SLCO3A1: variants seen among roughly 807,000 people sequenced by gnomAD.
SLCO3A1 encodes PGE1 transporter.
Under a neutral mutation model 63.1 loss-of-function variants are expected in SLCO3A1, and 27 were observed. That is an observed-to-expected ratio of 0.43 (90% CI 0.32 to 0.59). The LOEUF (loss-of-function observed/expected upper bound fraction) is 0.59, where lower values mean the gene tolerates loss of function less well. Among genes scored for constraint, SLCO3A1 ranks in the 20% least tolerant of loss-of-function variants. The pLI, the probability that SLCO3A1 is intolerant of heterozygous loss-of-function variation, is 0.09. For synonymous variants in SLCO3A1, 473 were observed against 409.9 expected (o/e 1.15, Z -1.86); for missense variants, 773 against 945.8 (o/e 0.82, Z 2.40).
rs73532444 is a variant in SLCO3A1, at chr15:91,948,495, T to C, written c.646+32037T>C. Among the ~76,000 whole-genome samples the C allele has an allele frequency of 0.18, 27,237 of 152,138 alleles. 2,755 individuals carry two copies. Among genetic ancestry groups the C allele is most frequent in the Admixed American group, 0.28 (4,320 of 15,292 alleles). On this transcript the variant is annotated intron_variant, in intron 2 of 9. Coordinates refer to ENST00000318445, the MANE Select transcript of SLCO3A1 (RefSeq NM_013272.4). The surrounding 1 kb of genome is among the most constrained non-coding windows in gnomAD (Gnocchi z 4.8). ...AAGCAGCAGTCATTGGTTAGGAATT[T>C]GGGGATTTTCTAATCTAAGTGTTCT...
In SLCO3A1 at chr15:92,085,399, A is replaced by G. The variant is rs75697895; in HGVS notation, c.647-9482A>G. Among the ~76,000 whole-genome samples the G allele has an allele frequency of 4.2e-3, 645 of 152,296 alleles. 3 individuals are homozygous for G. The highest frequency in any genetic ancestry group is 6.7e-3 in the Non-Finnish European group (456 of 68,026). The stretch of plus-strand genomic sequence containing the variant: ...ACTGGGGACCCAGTTTTGCGTAGGC[A>G]TATTGTGGTTAAGCTGCTGCCTGGA... On this transcript the variant is annotated intron_variant, in intron 2 of 9. Coordinates refer to ENST00000318445, the MANE Select transcript of SLCO3A1 (RefSeq NM_013272.4).
chr15:92,147,234 C>T (rs189387138), intron 8 of SLCO3A1, 75 bp downstream of exon 8: 4 of 1,419,268 alleles, frequency 2.8e-6, no homozygotes, highest in East Asian at 2.3e-5. Context: ...GGGACCAGAG[C>T]TTCAGACAAC....
At chr15:92,016,270 A>AT (rs1555424471) in intron 2 of SLCO3A1, among the ~76,000 whole-genome samples, 1 of 129,070 alleles carries the variant, frequency 7.7e-6, no homozygotes, top group Non-Finnish European at 1.7e-5. Context: ...AGATAGATAG[A>AT]TAGATAGATA....
intron 2 of SLCO3A1, among the ~76,000 whole-genome samples, chr15:91,961,144 CTTAG>C (rs1052153302): frequency 6.6e-6 from 1 of 152,204 alleles, no homozygotes; most frequent in Non-Finnish European, 1.5e-5. Context: ...TTTTTGAATA[CTTAG>C]TTTATCTCAT....
At chr15:92,126,486 G>A (rs563327829) in intron 6 of SLCO3A1, among the ~76,000 whole-genome samples, 7 of 152,250 alleles carry the variant, frequency 4.6e-5, no homozygotes, top group Admixed American at 1.3e-4. Context: ...AAGAGAAGCC[G>A]TTTCCTCCCT....
chr15:92,151,068 T>G, intron 9 of SLCO3A1, 54 bp downstream of exon 9: 1 of 1,194,290 alleles, frequency 8.4e-7, no homozygotes, highest in East Asian at 2.4e-5. Flanking sequence ...TATTACTAGG[T>G]GAGTAACTGT....
chr15:92,040,455 C>G (rs1487664627), intron 2 of SLCO3A1, among the ~76,000 whole-genome samples: 1 of 152,054 alleles, frequency 6.6e-6, no homozygotes, highest in Non-Finnish European at 1.5e-5. Flanking sequence ...TCTGCTGTGC[C>G]CAGAGATATC....
chr15:91,919,130 G>T (rs1478905280), intron 2 of SLCO3A1, among the ~76,000 whole-genome samples: 1 of 152,206 alleles, frequency 6.6e-6, no homozygotes, highest in Non-Finnish European at 1.5e-5. Context: ...CCGCATTGTG[G>T]GTCACTAGAT....
At chr15:91,918,884 C>T (rs773997819) in intron 2 of SLCO3A1, among the ~76,000 whole-genome samples, 3 of 152,156 alleles carry the variant, frequency 2.0e-5, no homozygotes, top group Non-Finnish European at 4.4e-5. Flanking sequence ...ACATGTGTAC[C>T]CCTGGTTCCA....
intron 7 of SLCO3A1, among the ~76,000 whole-genome samples, chr15:92,132,215 A>G (rs994474846): frequency 6.8e-6 from 1 of 146,034 alleles, no homozygotes; most frequent in African/African-American, 2.5e-5. Context: ...AAGACGTGAA[A>G]ATTCCCCATA....
In SLCO3A1 at chr15:91,931,181, C is replaced by T. The variant is rs74387672; in HGVS notation, c.646+14723C>T. ...GAAAAGAAACAACATTCTGCATGTCCTCAAAGCAAGAGCTCACGTAAACTC... is the reference window on the plus strand; with the variant it reads ...GAAAAGAAACAACATTCTGCATGTCTTCAAAGCAAGAGCTCACGTAAACTC... On this transcript the variant is annotated intron_variant, in intron 2 of 9. Transcript: ENST00000318445. Among the ~76,000 whole-genome samples the T allele has an allele frequency of 8.9e-3, 1,359 of 152,312 alleles. 6 individuals are homozygous for T. Among genetic ancestry groups the T allele is most frequent in the Non-Finnish European group, 0.013 (915 of 68,034 alleles).
chr15:92,132,655 T>A (rs1266259374), intron 7 of SLCO3A1, among the ~76,000 whole-genome samples: 2 of 143,384 alleles, frequency 1.4e-5, no homozygotes, highest in African/African-American at 5.1e-5. Flanking sequence ...ACCAATAGAA[T>A]GTTGAAAGTC....
chr15:91,888,179 G>T (rs1359532177), intron 1 of SLCO3A1, among the ~76,000 whole-genome samples: 1 of 152,206 alleles, frequency 6.6e-6, no homozygotes, highest in Non-Finnish European at 1.5e-5. Flanking sequence ...TGAAGGGCTG[G>T]CTGGGAGTCA....
intron 7 of SLCO3A1, among the ~76,000 whole-genome samples, chr15:92,140,329 T>G: frequency 7.0e-6 from 1 of 142,034 alleles, no homozygotes; most frequent in Non-Finnish European, 1.5e-5. Flanking sequence ...TTGATTGCAC[T>G]GTGGTCTGAG....
At chr15:92,095,010 A>G (rs1260709146) in intron 3 of SLCO3A1, 31 bp downstream of exon 3, 6 of 1,445,424 alleles carry the variant, frequency 4.2e-6, no homozygotes, top group Non-Finnish European at 5.8e-6. Flanking sequence ...TCTACCTTCC[A>G]TCCGCAAGCG....
chr15:91,864,876 C>T (rs1250714719), intron 1 of SLCO3A1, among the ~76,000 whole-genome samples: 2 of 152,184 alleles, frequency 1.3e-5, no homozygotes, highest in African/African-American at 4.8e-5. Flanking sequence ...TTGTTTTCTT[C>T]CTACCTCCCT....
intron 2 of SLCO3A1, among the ~76,000 whole-genome samples, chr15:91,920,620 C>G (rs144925648): frequency 6.6e-6 from 1 of 152,304 alleles, no homozygotes; most frequent in East Asian, 1.9e-4. Context: ...TTGCATCTTT[C>G]GCTCAGCTCT....
chr15:91,858,382 A>ATT (rs59237457), intron 1 of SLCO3A1, among the ~76,000 whole-genome samples: 2 of 150,724 alleles, frequency 1.3e-5, no homozygotes, highest in Non-Finnish European at 3.0e-5. Context: ...AATTACCTTG[A>ATT]TTTTTTTTTT....
chr15:91,975,417 G>C (rs1300340289), intron 2 of SLCO3A1, among the ~76,000 whole-genome samples: 1 of 152,222 alleles, frequency 6.6e-6, no homozygotes. Flanking sequence ...GAGGACACTG[G>C]CGATTGCATT....
Sources: allele counts gnomAD v4.1 joint callset (sites outside exome capture counted in the v4.1 genomes callset), GRCh38; gene constraint gnomAD v4.1.1; non-coding constraint Gnocchi (gnomAD v3.1); transcripts MANE v1.5; gene names NCBI Gene and HGNC (gene_info 2026-07-23, HGNC 2026-07-21).